The following IDE variants were observed in gnomAD, a reference collection of about 807,000 sequenced individuals.
IDE encodes insulin-degrading enzyme.
Under a neutral mutation model 133.2 loss-of-function variants are expected in IDE, and 58 were observed. That is an observed-to-expected ratio of 0.44 (90% CI 0.35 to 0.54). The LOEUF is 0.54. Among genes scored for constraint, IDE ranks in the 20% least tolerant of loss-of-function variants. IDE has a pLI of 0.00. For synonymous variants in IDE, 396 were observed against 421.3 expected, an observed-to-expected ratio of 0.94 and a Z score of 0.73; for missense variants, 981 against 1,234.0, an observed-to-expected ratio of 0.79 and a Z score of 3.07.
intron 18 of IDE, 77 bp from the exon 19 acceptor site, chr10:92,469,067 A>T: frequency 2.4e-6 from 2 of 821,198 alleles, no homozygotes; most frequent in Non-Finnish European, 4.1e-6. Context: ...GGCTTTGTTT[A>T]TCATAAAAGT....
chr10:92,556,092 G>A (rs1356444848), intron 1 of IDE, among the ~76,000 whole-genome samples: 1 of 141,482 alleles, frequency 7.1e-6, no homozygotes, highest in African/African-American at 2.7e-5. Context: ...AGAATGGCGT[G>A]AACCCGGGAA....
chr10:92,493,092 T>C (rs1847459289), intron 11 of IDE, among the ~76,000 whole-genome samples: 1 of 151,902 alleles, frequency 6.6e-6, no homozygotes. Flanking sequence ...GATAAAAGAG[T>C]TCTATTATTG....
chr10:92,508,933 A>G, intron 6 of IDE, 43 bp from the exon 7 acceptor site: 1 of 1,444,652 alleles, frequency 6.9e-7, no homozygotes, highest in East Asian at 2.3e-5. Flanking sequence ...TACGACTCCT[A>G]CTGAAGAAAA....
At chr10:92,481,971 C>T (rs1213991522) in intron 14 of IDE, among the ~76,000 whole-genome samples, 1 of 152,146 alleles carries the variant, frequency 6.6e-6, no homozygotes, top group Non-Finnish European at 1.5e-5. Context: ...ATGCCCTTTA[C>T]CAATAATAAG....
At chr10:92,522,354 T>C (rs1419710460) in intron 4 of IDE, among the ~76,000 whole-genome samples, 2 of 152,194 alleles carry the variant, frequency 1.3e-5, no homozygotes, top group South Asian at 2.1e-4. Context: ...CTTCATGTCA[T>C]GGTTTTGGGG....
At chr10:92,457,243 T>C (rs987587029) in intron 22 of IDE, among the ~76,000 whole-genome samples, 1 of 152,184 alleles carries the variant, frequency 6.6e-6, no homozygotes, top group African/African-American at 2.4e-5. Context: ...CTTCTCAGAC[T>C]CTGCTTGTAA....
At chr10:92,568,503 A>C (rs1367948688) in intron 1 of IDE, among the ~76,000 whole-genome samples, 1 of 152,232 alleles carries the variant, frequency 6.6e-6, no homozygotes, top group Non-Finnish European at 1.5e-5. Flanking sequence ...AAGAAAACTA[A>C]GGAAATTGTT....
At chr10:92,540,605 CTTGACCTAGTGAGT>C (rs1190855463) in intron 1 of IDE, among the ~76,000 whole-genome samples, 3 of 152,136 alleles carry the variant, frequency 2.0e-5, no homozygotes, top group Admixed American at 2.0e-4. Flanking sequence ...CTCTGTGGTG[CTTGACCTAGTGAGT>C]TTGACTTAGG....
At chr10:92,563,699 G>A (rs1303539876) in intron 1 of IDE, among the ~76,000 whole-genome samples, 1 of 151,718 alleles carries the variant, frequency 6.6e-6, no homozygotes, top group African/African-American at 2.4e-5. Flanking sequence ...AGGTTGCAGT[G>A]AGCCGGGATC....
At chr10:92,520,947 T>C (rs1291190438) in intron 4 of IDE, among the ~76,000 whole-genome samples, 2 of 152,194 alleles carry the variant, frequency 1.3e-5, no homozygotes, top group African/African-American at 4.8e-5. Flanking sequence ...ATATGAAATG[T>C]TTTTACATCC....
chr10:92,497,309 A>T (rs192216027), intron 11 of IDE, among the ~76,000 whole-genome samples: 33 of 152,328 alleles, frequency 2.2e-4, no homozygotes, highest in South Asian at 1.4e-3. Context: ...CAAAATTCAA[A>T]ATAATTGTCT....
chr10:92,479,519 T>C, intron 14 of IDE, 98 bp from the exon 15 acceptor site: 2 of 887,378 alleles, frequency 2.3e-6, no homozygotes, highest in East Asian at 5.0e-5. Context: ...CCGGTTAATA[T>C]GATTTCCTGA....
At chr10:92,458,862 G>A (rs990346663) in intron 22 of IDE, among the ~76,000 whole-genome samples, 1 of 151,964 alleles carries the variant, frequency 6.6e-6, no homozygotes, top group Non-Finnish European at 1.5e-5. Context: ...GAACTCCTGG[G>A]CTCTAGCGAT....
Position 92,511,057 on chromosome 10 carries a change from AC to A in IDE, c.785-896del, listed in dbSNP as rs1848597368. 2.7e-5 allele frequency among the ~76,000 whole-genome samples: 4 copies of A among 147,896 alleles called. No individual in the cohort carries two copies. In the South Asian group the frequency reaches 8.5e-4, roughly 31 times the overall value. ...TAAATTTTTTCCATTTGTACAAATT[AC>A]TATTATCCTAAAAAGAAAGCAGTGT... On this transcript the variant is annotated intron_variant, in intron 5 of 24. Transcript: ENST00000265986.
Position 92,514,612 on chromosome 10 carries a change from T to A in IDE, c.784+308A>T, listed in dbSNP as rs565331815. On this transcript the variant is annotated intron_variant, in intron 5 of 24. Coordinates refer to ENST00000265986, the MANE Select transcript of IDE (RefSeq NM_004969.4). Reference sequence around the variant, plus strand: ...ACCACATCCCACTAATTTAAAAAAATTTTTTTTGGTAGAGACAGGATCTTA... The same window carrying A: ...ACCACATCCCACTAATTTAAAAAAAATTTTTTTGGTAGAGACAGGATCTTA... Among the ~76,000 whole-genome samples the A allele has an allele frequency of 2.6e-4, 40 of 152,124 alleles. 3 individuals are homozygous for A. The South Asian group carries it at 7.5e-3, about 28-fold the overall frequency.
chr10:92,567,062 T>G (rs12253177), intron 1 of IDE, among the ~76,000 whole-genome samples: 9,106 of 152,170 alleles, frequency 0.06, 375 homozygotes, highest in African/African-American at 0.098. Flanking sequence ...ATCTACAAAC[T>G]AGATTTCATT....
At chr10:92,532,888 G>C (rs1260738984) in intron 3 of IDE, among the ~76,000 whole-genome samples, 1 of 152,134 alleles carries the variant, frequency 6.6e-6, no homozygotes, top group East Asian at 1.9e-4. Flanking sequence ...TGTCACAGAA[G>C]CCATTATCAT....
intron 12 of IDE, among the ~76,000 whole-genome samples, chr10:92,488,999 C>A (rs1396281725): frequency 7.1e-6 from 1 of 141,312 alleles, no homozygotes; most frequent in African/African-American, 2.6e-5. Context: ...GACAACAGAG[C>A]AAGGCCCTGT....
In IDE at chr10:92,454,245, A is replaced by G. The variant is rs1844871790; in HGVS notation, c.*199T>C. On this transcript the variant is annotated 3_prime_UTR_variant, in exon 25 of 25. Coordinates refer to ENST00000265986, the MANE Select transcript of IDE (RefSeq NM_004969.4). Reference sequence around the variant, plus strand: ...ATTTTAAAATATTTAAGAGGCATGTATTTAAAAAATATTCTACATCTATAA... The same window carrying G: ...ATTTTAAAATATTTAAGAGGCATGTGTTTAAAAAATATTCTACATCTATAA... The G allele has an allele frequency of 4.5e-6, 2 of 446,566 alleles. No individual in the cohort carries two copies. The highest frequency in any genetic ancestry group is 8.0e-6 in the Non-Finnish European group (2 of 249,792). The allele number at this position is 446,566 out of a possible 1,614,324, so 27.7% of individuals were successfully genotyped here.
Sources: gnomAD v4.1 joint callset for allele counts (sites outside exome capture counted in the v4.1 genomes callset) on GRCh38, gnomAD v4.1.1 for gene constraint, MANE v1.5 for transcripts, NCBI Gene and HGNC (gene_info 2026-07-23, HGNC 2026-07-21) for gene names.